Variants in SEC24D observed in about 807,000 individuals in gnomAD.
The protein encoded by SEC24D is protein transport protein Sec24D.
Under a neutral mutation model 116.9 loss-of-function variants are expected in SEC24D, and 69 were observed. The observed-to-expected ratio is 0.59, with a 90% CI of 0.49 to 0.72. SEC24D has a LOEUF of 0.72. SEC24D is among the 30% of genes least tolerant of loss of function. The pLI, the probability that SEC24D is intolerant of heterozygous loss-of-function variation, is 0.00. For missense variants in SEC24D, 1,131 were observed against 1,264.1 expected, an observed-to-expected ratio of 0.89 and a Z score of 1.60; for synonymous variants, 405 against 442.8, an observed-to-expected ratio of 0.91 and a Z score of 1.07.
intron 13 of SEC24D, among the ~76,000 whole-genome samples, chr4:118,747,982 T>C (rs1254459214): frequency 6.6e-6 from 1 of 152,104 alleles, no homozygotes; most frequent in African/African-American, 2.4e-5. Flanking sequence ...TTACCTATAG[T>C]AGGCCGGGCG....
At position 118,768,275 on chromosome 4, in the gene SEC24D, G is replaced by A; in HGVS notation, c.1078C>T (p.Pro360Ser). The change falls in exon 9 of 23, where the codon CCA becomes TCA. Residue 360 changes from proline (P) to serine (S), a missense_variant. By Grantham distance (74) the Pro-to-Ser change is moderately conservative. Transcript: ENST00000280551. The stretch of plus-strand genomic sequence containing the variant: ...GCCTTGCACCTGTTGCATCTGACTG[G>A]TCCACTCTCGCCGTGATTTACCAAG... ...LYLVNHGESG[P>S]VRCNRCKAYM... 1 of 1,613,698 alleles carries A rather than the reference G, an allele frequency of 6.2e-7. No homozygotes were observed. The highest frequency in any genetic ancestry group is 8.5e-7 in the Non-Finnish European group (1 of 1,179,828).
chr4:118,738,148 T>C, intron 19 of SEC24D, 113 bp downstream of exon 19: 1 of 738,124 alleles, frequency 1.4e-6, no homozygotes, highest in Non-Finnish European at 2.4e-6. Context: ...CTACACTGTT[T>C]ACTGTAACAG....
chr4:118,791,519 C>T (rs1173340413), intron 8 of SEC24D, among the ~76,000 whole-genome samples: 2 of 149,688 alleles, frequency 1.3e-5, no homozygotes, highest in East Asian at 4.0e-4. Flanking sequence ...GCTCTCCCTA[C>T]TCCCTACTCC....
intron 13 of SEC24D, among the ~76,000 whole-genome samples, chr4:118,747,514 C>G (rs1398013323): frequency 6.6e-6 from 1 of 152,034 alleles, no homozygotes; most frequent in Admixed American, 6.6e-5. Flanking sequence ...GATCCGCCCA[C>G]CTTGGCCTCC....
chr4:118,743,538 A>T lies in SEC24D; in HGVS notation c.1995+450T>A, dbSNP rs559452336. ...TCACCTGTAGGTTACTTATTTTTAA[A>T]TTTTTTGTAGAGACAGGGTCTTGCT... On this transcript the variant is annotated intron_variant, in intron 15 of 22. Coordinates refer to ENST00000280551, the MANE Select transcript of SEC24D (RefSeq NM_014822.4). Among the ~76,000 whole-genome samples the T allele has an allele frequency of 2.0e-5, 3 of 152,198 alleles. No homozygotes were observed. In the South Asian group the frequency reaches 6.2e-4, roughly 32 times the overall value.
At chr4:118,739,415 G>GC (rs1726126917) in intron 17 of SEC24D, 128 bp from the exon 18 acceptor site, 4 of 782,080 alleles carry the variant, frequency 5.1e-6, no homozygotes, top group Admixed American at 5.9e-5. Flanking sequence ...TTTTTCCACA[G>GC]TTTTTTTTCT....
At chr4:118,829,203 T>A (rs115354352) in intron 2 of SEC24D, among the ~76,000 whole-genome samples, 2 of 152,234 alleles carry the variant, frequency 1.3e-5, no homozygotes, top group Admixed American at 1.3e-4. Flanking sequence ...ACAATTATTT[T>A]GTTCATCAAA....
At chr4:118,729,043 CATT>C (rs1725550713) in intron 21 of SEC24D, 1 of 161,634 alleles carries the variant, frequency 6.2e-6, no homozygotes, top group Non-Finnish European at 1.3e-5. Context: ...TTTTTTTTGT[CATT>C]ATTCTGTAAA....
chr4:118,835,629 G>A (rs574238257), intron 1 of SEC24D, among the ~76,000 whole-genome samples: 2 of 152,358 alleles, frequency 1.3e-5, no homozygotes, highest in Admixed American at 1.3e-4. Context: ...AAGGAGATGA[G>A]AAAACCGCTG....
At chr4:118,727,534 T>G (rs6820588) in intron 22 of SEC24D, among the ~76,000 whole-genome samples, 31,332 of 151,942 alleles carry the variant, frequency 0.21, 3,225 homozygotes, top group East Asian at 0.23. Flanking sequence ...GCAGCTGGGA[T>G]GAAGGTGAAT....
chr4:118,750,718 G>A (rs1056917262), intron 13 of SEC24D, among the ~76,000 whole-genome samples: 1 of 152,104 alleles, frequency 6.6e-6, no homozygotes, highest in Non-Finnish European at 1.5e-5. Context: ...TTGTAGTAAC[G>A]TGGAATAAAA....
In SEC24D at chr4:118,777,115, A is replaced by AT. The variant is rs537075784; in HGVS notation, c.1042-8805dup. On this transcript the variant is annotated intron_variant, in intron 8 of 22. Coordinates refer to ENST00000280551, the MANE Select transcript of SEC24D (RefSeq NM_014822.4). ...GAATTATTTATTTATTTATTTATTT[A>AT]TTTATTTATTTTTATTATACTTTAA... 5.4e-3 allele frequency among the ~76,000 whole-genome samples: 812 copies of AT among 151,538 alleles called. 7 individuals are homozygous for AT. Among genetic ancestry groups the AT allele is most frequent in the African/African-American group, 0.018 (756 of 41,408 alleles).
intron 7 of SEC24D, among the ~76,000 whole-genome samples, chr4:118,804,826 A>G (rs1012824505): frequency 1.8e-4 from 28 of 151,470 alleles, no homozygotes; most frequent in Admixed American, 6.6e-5. Flanking sequence ...TTTACATGAA[A>G]CCCTTCTGTG....
chr4:118,814,892 A>G, intron 6 of SEC24D, 136 bp downstream of exon 6: 5 of 934,688 alleles, frequency 5.3e-6, no homozygotes, highest in Non-Finnish European at 8.1e-6. Flanking sequence ...TAAGGAAGGA[A>G]GCCTTCCCTC....
intron 9 of SEC24D, among the ~76,000 whole-genome samples, chr4:118,767,241 C>T (rs913947309): frequency 6.6e-6 from 1 of 152,190 alleles, no homozygotes; most frequent in South Asian, 2.1e-4. Context: ...GCAAGCAACG[C>T]TCTCCCACCA....
At chr4:118,733,324 C>G (rs1725791811) in intron 19 of SEC24D, 1 of 156,194 alleles carries the variant, frequency 6.4e-6, no homozygotes, top group Admixed American at 6.3e-5. Flanking sequence ...ATTTGTAAAG[C>G]ACAATAGTGC....
At chr4:118,757,667 T>C in intron 11 of SEC24D, 54 bp downstream of exon 11, 5 of 1,542,970 alleles carry the variant, frequency 3.2e-6, no homozygotes, top group Non-Finnish European at 4.4e-6. Context: ...TTCTGGCCAA[T>C]AAATTAATTA....
chr4:118,752,826 T>C lies in SEC24D; in HGVS notation c.1484A>G (p.His495Arg). 1.9e-6 allele frequency: 3 copies of C among 1,610,330 alleles called. No individual in the cohort carries two copies. Among genetic ancestry groups the C allele is most frequent in the Non-Finnish European group, 1.7e-6 (2 of 1,178,708 alleles). ...CAGATTACTCTTCACATTAAAGAAA[T>C]GGAGAACTTTGTTATATGTGATAAA... is the stretch of plus-strand genomic sequence containing the variant. ...VGFITYNKVL[H>R]FFNVKSNLAQ... Residue 495 changes from histidine (H) to arginine (R), a missense_variant, in exon 12 of 23, where the codon CAT becomes CGT. Transcript: ENST00000280551.
intron 2 of SEC24D, chr4:118,825,721 C>A (rs1267048479): frequency 2.5e-6 from 1 of 394,180 alleles, no homozygotes; most frequent in East Asian, 7.0e-5. Context: ...GTTCTTCTAT[C>A]TGCTGTCTCC....
Sources: gnomAD v4.1 joint callset for allele counts (sites outside exome capture counted in the v4.1 genomes callset) on GRCh38, gnomAD v4.1.1 for gene constraint, MANE v1.5 for transcripts, NCBI Gene and HGNC (gene_info 2026-07-23, HGNC 2026-07-21) for gene names.